The following IRAG1 variants were observed in gnomAD, a reference collection of about 807,000 sequenced individuals.
IRAG1 encodes the protein IP3R-associated cGMP kinase substrate.
IRAG1 carries 62 observed loss-of-function variants against 106.2 expected under a neutral mutation model. The ratio of observed to expected loss-of-function variants is 0.58; its 90% CI spans 0.48 to 0.72. The LOEUF (loss-of-function observed/expected upper bound fraction) is 0.72, where lower values mean the gene tolerates loss of function less well. Ranked by LOEUF, IRAG1 falls within the 30% of genes least tolerant of loss-of-function variation. IRAG1 has a pLI of 0.00. For synonymous variants in IRAG1, 462 were observed against 443.9 expected, an observed-to-expected ratio of 1.04 and a Z score of -0.51; for missense variants, 1,064 against 1,140.7, an observed-to-expected ratio of 0.93 and a Z score of 0.97.
chr11:10,629,778 T>G, intron 4 of IRAG1, 67 bp from the exon 5 acceptor site: 1 of 1,497,976 alleles, frequency 6.7e-7, no homozygotes, highest in South Asian at 1.3e-5. Flanking sequence ...GGTCATGCCA[T>G]ACCATGCCTC....
intron 1 of IRAG1, among the ~76,000 whole-genome samples, chr11:10,655,184 G>A (rs141096937): frequency 6.6e-6 from 1 of 152,106 alleles, no homozygotes; most frequent in Non-Finnish European, 1.5e-5. Context: ...TCTTAACAGG[G>A]GCATGGTTTC....
chr11:10,593,752 G>A (rs1852944647), intron 16 of IRAG1, 153 bp from the exon 17 acceptor site: 7 of 638,636 alleles, frequency 1.1e-5, no homozygotes, highest in Non-Finnish European at 1.6e-5. Flanking sequence ...TTGGTGTGGA[G>A]AGAGTGGCCA....
chr11:10,655,957 A>G (rs531030324), intron 1 of IRAG1, among the ~76,000 whole-genome samples: 1 of 152,238 alleles, frequency 6.6e-6, no homozygotes, highest in Non-Finnish European at 1.5e-5. Context: ...CCCTGCCTGC[A>G]GGGGCCATTC....
chr11:10,593,305 G>T, intron 17 of IRAG1, 187 bp downstream of exon 17: 1 of 495,066 alleles, frequency 2.0e-6, no homozygotes. Flanking sequence ...GGACTTCCCA[G>T]AGTAGTAGAA....
At chr11:10,642,129 TCTCA>T (rs969377267) in intron 2 of IRAG1, among the ~76,000 whole-genome samples, 6 of 152,162 alleles carry the variant, frequency 3.9e-5, no homozygotes, top group Non-Finnish European at 4.4e-5. Flanking sequence ...TCACTGCCCT[TCTCA>T]CTCCTCCATG....
At position 10,652,430 on chromosome 11, in the gene IRAG1, C is replaced by T. The variant is rs988417931; in HGVS notation, c.68-248G>A. On this transcript the variant is annotated intron_variant, in intron 1 of 20. Transcript: ENST00000423302. ...GTCTTTACAGTAAACACAGCTATCC[C>T]AGAAGGGAGAAATGTGCTTCGAACT... is the stretch of plus-strand genomic sequence containing the variant. The T allele has an allele frequency of 1.5e-5, 15 of 978,626 alleles. No individual in the cohort carries two copies. In the South Asian group the frequency reaches 2.9e-4, roughly 19 times the overall value. 60.6% of individuals were successfully genotyped at this position (978,626 alleles called of 1,614,324 possible).
rs1347307456 is a variant in IRAG1 at position 10,657,030 on chromosome 11, T to TAGGTGGTAGCAGC, written c.68-4861_68-4849dup. ...ACAGTTGAGCCTGCATGTCCTCTGG[T>TAGGTGGTAGCAGC]AGGTGGTAGCAGCAGGTGGAGGACG... On this transcript the variant is annotated intron_variant, in intron 1 of 20. Coordinates refer to ENST00000423302, the MANE Select transcript of IRAG1 (RefSeq NM_130385.4). This position sits in a 1 kb window ranked among gnomAD's most constrained non-coding sequence, Gnocchi z 4.1. 5.3e-5 allele frequency among the ~76,000 whole-genome samples: 8 copies of TAGGTGGTAGCAGC among 152,010 alleles called. No individual in the cohort carries two copies. Among genetic ancestry groups the TAGGTGGTAGCAGC allele is most frequent in the Admixed American group, 5.2e-4 (8 of 15,250 alleles).
chr11:10,636,067 A>C (rs887340522), intron 2 of IRAG1, among the ~76,000 whole-genome samples: 1 of 152,218 alleles, frequency 6.6e-6, no homozygotes, highest in African/African-American at 2.4e-5. Flanking sequence ...CTCAAATTTC[A>C]ACTACTAGCT....
rs767531067 is a variant in IRAG1, at chr11:10,652,193, G to A, written c.68-11C>T. The A allele has an allele frequency of 3.2e-5, 52 of 1,613,396 alleles. No homozygotes were observed. The highest frequency in any genetic ancestry group is 4.3e-5 in the Non-Finnish European group (51 of 1,179,592). On this transcript the variant is annotated splice_polypyrimidine_tract_variant and intron_variant, in intron 1 of 20. Coordinates refer to ENST00000423302, the MANE Select transcript of IRAG1 (RefSeq NM_130385.4). Reference sequence around the variant, plus strand: ...CCTGGGCTCCACAGGCTGGGGAGATGCCAAAAGGACAAGTCAAATCCATTC... The same window carrying A: ...CCTGGGCTCCACAGGCTGGGGAGATACCAAAAGGACAAGTCAAATCCATTC...
chr11:10,592,786 T>C (rs1852824483), intron 17 of IRAG1, among the ~76,000 whole-genome samples: 1 of 152,218 alleles, frequency 6.6e-6, no homozygotes, highest in Non-Finnish European at 1.5e-5. Context: ...ATGAACTATT[T>C]TACCATTGCC....
At chr11:10,594,501 A>T (rs1188691942) in intron 15 of IRAG1, among the ~76,000 whole-genome samples, 1 of 152,204 alleles carries the variant, frequency 6.6e-6, no homozygotes, top group African/African-American at 2.4e-5. Flanking sequence ...TAGATAGTGT[A>T]TGAAAACTAC....
intron 2 of IRAG1, 107 bp downstream of exon 2, chr11:10,651,918 T>G: frequency 1.5e-6 from 2 of 1,328,900 alleles, no homozygotes; most frequent in Non-Finnish European, 2.0e-6. Context: ...GCAACCTACA[T>G]GAGCTGTCAG....
intron 20 of IRAG1, among the ~76,000 whole-genome samples, chr11:10,578,843 ACT>A (rs3075191): frequency 1.3e-5 from 2 of 151,450 alleles, no homozygotes; most frequent in Admixed American, 1.3e-4. Flanking sequence ...TATTCCATGT[ACT>A]CTCTCTCTGT....
intron 1 of IRAG1, among the ~76,000 whole-genome samples, chr11:10,672,407 C>T (rs1347621928): frequency 6.6e-6 from 1 of 151,964 alleles, no homozygotes; most frequent in Non-Finnish European, 1.5e-5. Flanking sequence ...AAATGACAAC[C>T]CACAGAATAG....
At chr11:10,660,785 A>T (rs953300539) in intron 1 of IRAG1, among the ~76,000 whole-genome samples, 1 of 152,124 alleles carries the variant, frequency 6.6e-6, no homozygotes, top group African/African-American at 2.4e-5. Flanking sequence ...GCCCCAGAGA[A>T]TGGCACTCAA....
At chr11:10,664,052 TAGG>T (rs1469995441) in intron 1 of IRAG1, among the ~76,000 whole-genome samples, 1 of 152,016 alleles carries the variant, frequency 6.6e-6, no homozygotes, top group Non-Finnish European at 1.5e-5. Flanking sequence ...ACAAGGGTAT[TAGG>T]AGATGTTTTT....
chr11:10,591,712 TC>T, intron 17 of IRAG1, 100 bp from the exon 18 acceptor site: 1 of 1,082,870 alleles, frequency 9.2e-7, no homozygotes, highest in Non-Finnish European at 1.4e-6. Flanking sequence ...GGCTGCTGCT[TC>T]TCCTCTTTCC....
At position 10,627,676 on chromosome 11, in the gene IRAG1, C is replaced by G. The variant is rs764864038; in HGVS notation, c.750+40G>C. On this transcript the variant is annotated intron_variant, in intron 8 of 20. Coordinates refer to ENST00000423302, the MANE Select transcript of IRAG1 (RefSeq NM_130385.4). ...TAGGCTTCTAGGAGACTGTGCCCCC[C>G]ACACTCAAATCATCCAAAGGGAGCA... 8.1e-6 allele frequency: 13 copies of G among 1,612,592 alleles called. No homozygotes were observed. The South Asian group carries it at 8.8e-5, about 11-fold the overall frequency.
At chr11:10,627,358 G>T (rs75100722) in intron 8 of IRAG1, among the ~76,000 whole-genome samples, 1 of 152,168 alleles carries the variant, frequency 6.6e-6, no homozygotes, top group Admixed American at 6.5e-5. Flanking sequence ...GGCTTCCCCA[G>T]ACAGAATCCC....
Sources: allele counts gnomAD v4.1 joint callset (sites outside exome capture counted in the v4.1 genomes callset), GRCh38; gene constraint gnomAD v4.1.1; non-coding constraint Gnocchi (gnomAD v3.1); transcripts MANE v1.5; gene names NCBI Gene and HGNC (gene_info 2026-07-23, HGNC 2026-07-21).